The following ADH1C variants were observed in gnomAD, a reference collection of about 807,000 sequenced individuals.
ADH1C encodes alcohol dehydrogenase 1C.
In ADH1C, 26 loss-of-function variants were observed where a neutral mutation model predicts 35.0. The ratio of observed to expected loss-of-function variants is 0.74; its 90% CI spans 0.54 to 1.03. The LOEUF is 1.03. Among genes scored for constraint, ADH1C ranks in the 50% least tolerant of loss-of-function variants. The probability of loss-of-function intolerance (pLI) is 0.00; values close to 1 mark genes in which losing one functional copy is unlikely to be tolerated. For missense variants in ADH1C, 413 were observed against 465.4 expected (o/e 0.89, Z 1.04); for synonymous variants, 170 against 169.3 (o/e 1.00, Z -0.03).
intron 6 of ADH1C, 62 bp from the exon 7 acceptor site, chr4:99,340,772 C>G (rs1734397060): frequency 1.9e-6 from 3 of 1,603,020 alleles, no homozygotes; most frequent in South Asian, 1.1e-5. Context: ...ACTCATAATG[C>G]ACAATATCAT....
chr4:99,344,752 C>A (rs980989198), intron 5 of ADH1C, 110 bp downstream of exon 5: 1 of 1,394,314 alleles, frequency 7.2e-7, no homozygotes, highest in Non-Finnish European at 9.9e-7. Flanking sequence ...TACTCTTAAT[C>A]GACACTTCAA....
chr4:99,345,166 AT>A lies in ADH1C; in HGVS notation c.347+12del. 6.2e-7 allele frequency: 1 copy of A among 1,613,868 alleles called. No homozygotes were observed. Among genetic ancestry groups the A allele is most frequent in the Non-Finnish European group, 8.5e-7 (1 of 1,179,768 alleles). On this transcript the variant is annotated intron_variant, in intron 4 of 8. Coordinates refer to ENST00000515683, the MANE Select transcript of ADH1C (RefSeq NM_000669.5). ...AACTCAAAGTCTGTGCAAAGAAAGC[AT>A]CAGAAACTTACTCATTTTTCAAGCA...
intron 5 of ADH1C, among the ~76,000 whole-genome samples, chr4:99,344,399 G>A (rs1734481021): frequency 6.6e-6 from 1 of 152,172 alleles, no homozygotes; most frequent in Non-Finnish European, 1.5e-5. Context: ...GTTTCGAGGT[G>A]CATCAGGTAA....
At chr4:99,341,998 G>A (rs181358878) in intron 6 of ADH1C, among the ~76,000 whole-genome samples, 15 of 118,620 alleles carry the variant, frequency 1.3e-4, no homozygotes, top group Non-Finnish European at 2.4e-4. Context: ...GTGACAGAGT[G>A]AGACCCTGTC....
chr4:99,346,361 A>G (rs1473032207), intron 3 of ADH1C, among the ~76,000 whole-genome samples: 1 of 152,214 alleles, frequency 6.6e-6, no homozygotes. Flanking sequence ...TTAGTAATCC[A>G]TAATCAGTCA....
At chr4:99,349,922 A>C (rs1734636433) in intron 1 of ADH1C, among the ~76,000 whole-genome samples, 1 of 152,196 alleles carries the variant, frequency 6.6e-6, no homozygotes, top group African/African-American at 2.4e-5. Context: ...TAAAAATAAA[A>C]GCTGATCACA....
rs372991001 is a variant in ADH1C at position 99,336,725 on chromosome 4, G to A, written c.*27C>T. 1.9e-6 allele frequency: 3 copies of A among 1,612,860 alleles called. No individual in the cohort carries two copies. The highest frequency in any genetic ancestry group is 2.5e-6 in the Non-Finnish European group (3 of 1,179,034). On this transcript the variant is annotated 3_prime_UTR_variant, in exon 9 of 9. Transcript: ENST00000515683. Reference sequence around the variant, plus strand: ...TGTAGGGTAGAGGAGGCTGAAAACTGCTACAAGGGAAGGCATCTGTATTGT... The same window carrying A: ...TGTAGGGTAGAGGAGGCTGAAAACTACTACAAGGGAAGGCATCTGTATTGT...
intron 1 of ADH1C, among the ~76,000 whole-genome samples, chr4:99,348,903 T>C (rs1734606906): frequency 6.6e-6 from 1 of 151,168 alleles, no homozygotes; most frequent in African/African-American, 2.4e-5. Flanking sequence ...TTTCATGTGT[T>C]TTTTGGCTGC....
chr4:99,346,604 T>G (rs1344598851), intron 3 of ADH1C, among the ~76,000 whole-genome samples: 1 of 152,126 alleles, frequency 6.6e-6, no homozygotes. Flanking sequence ...CACAGAACAG[T>G]GTCCATACTT....
At chr4:99,336,861 A>C (rs770912952) in intron 8 of ADH1C, 85 bp from the exon 9 acceptor site, 846 of 1,578,058 alleles carry the variant, frequency 5.4e-4, no homozygotes, top group Non-Finnish European at 6.9e-4. Context: ...ATTTGAGGTG[A>C]CTTAGTGAAA....
chr4:99,344,747 T>A (rs765298517), intron 5 of ADH1C, 115 bp downstream of exon 5: 71 of 1,364,826 alleles, frequency 5.2e-5, no homozygotes, highest in Non-Finnish European at 7.0e-5. Flanking sequence ...TTTTCTACTC[T>A]TAATCGACAC....
chr4:99,337,672 C>T (rs1001620314), intron 8 of ADH1C, among the ~76,000 whole-genome samples: 2 of 151,746 alleles, frequency 1.3e-5, no homozygotes, highest in Non-Finnish European at 2.9e-5. Flanking sequence ...CAGAAGAAGC[C>T]GCTAAAAAAA....
intron 5 of ADH1C, among the ~76,000 whole-genome samples, 190 bp downstream of exon 5, chr4:99,344,672 C>CTCA (rs79306877): frequency 1.3e-5 from 2 of 151,952 alleles, no homozygotes; most frequent in Non-Finnish European, 2.9e-5. Flanking sequence ...ATTTTCTTAA[C>CTCA]AAGTTTTTAT....
intron 1 of ADH1C, among the ~76,000 whole-genome samples, chr4:99,350,170 C>G (rs1316987836): frequency 1.3e-5 from 2 of 152,134 alleles, no homozygotes; most frequent in East Asian, 3.8e-4. Context: ...AAATAAAGTT[C>G]TAATAGTAGG....
chr4:99,342,941 C>G lies in ADH1C; in HGVS notation c.682G>C (p.Asp228His). Residue 228 changes from aspartate to histidine, a missense_variant, in exon 6 of 9, where the codon GAC (aspartate) becomes CAC (histidine). Physicochemically the swap from Asp to His is moderately conservative, Grantham distance 81. Coordinates refer to ENST00000515683, the MANE Select transcript of ADH1C (RefSeq NM_000669.5). ...ARIIAVDINK[D>H]KFAKAKELGA... ...AACTCTTTAGCCTTTGCAAATTTGT[C>G]CTTGTTGATGTCCACAGCAATGATT... is the stretch of plus-strand genomic sequence containing the variant. 6.2e-7 allele frequency: 1 copy of G among 1,614,164 alleles called. No individual in the cohort carries two copies. The highest frequency in any genetic ancestry group is 8.5e-7 in the Non-Finnish European group (1 of 1,180,026).
Position 99,340,628 on chromosome 4 carries a change from A to C in ADH1C, c.911T>G (p.Ile304Arg). The change falls in exon 7 of 9, where the codon ATA (isoleucine) becomes AGA (arginine). Residue 304 changes from isoleucine (I) to arginine (R), a missense_variant. Coordinates refer to ENST00000515683, the MANE Select transcript of ADH1C (RefSeq NM_000669.5). ...GVPPDSQNLSINPMLLLTGRT... is the reference protein window; with the variant it reads ...GVPPDSQNLSRNPMLLLTGRT... Reference sequence around the variant, plus strand: ...TCCAGTCAGTAGCAGCATAGGGTTTATTGAGAGGTTCTGGGAATCAGGAGG... The same window carrying C: ...TCCAGTCAGTAGCAGCATAGGGTTTCTTGAGAGGTTCTGGGAATCAGGAGG... 6.2e-7 allele frequency: 1 copy of C among 1,614,020 alleles called. No individual in the cohort carries two copies. Among genetic ancestry groups the C allele is most frequent in the Non-Finnish European group, 8.5e-7 (1 of 1,180,030 alleles).
intron 1 of ADH1C, among the ~76,000 whole-genome samples, chr4:99,349,204 T>C (rs976863361): frequency 3.4e-5 from 5 of 144,982 alleles, no homozygotes; most frequent in Non-Finnish European, 7.5e-5. Flanking sequence ...TCCTTGCCCA[T>C]GCCTATGTCC....
intron 8 of ADH1C, among the ~76,000 whole-genome samples, chr4:99,337,890 A>G (rs1442481): frequency 0.31 from 47,403 of 151,912 alleles, 8,835 homozygotes; most frequent in Non-Finnish European, 0.41. Context: ...ACAGTTGCTT[A>G]GAATTTATTA....
chr4:99,350,590 A>C (rs1579536551), intron 1 of ADH1C, among the ~76,000 whole-genome samples: 1 of 152,222 alleles, frequency 6.6e-6, no homozygotes, highest in Admixed American at 6.5e-5. Context: ...TTTATGGCTG[A>C]GTAGTATCTC....
Sources: gnomAD v4.1 joint callset for allele counts (sites outside exome capture counted in the v4.1 genomes callset) on GRCh38, gnomAD v4.1.1 for gene constraint, MANE v1.5 for transcripts, NCBI Gene and HGNC (gene_info 2026-07-23, HGNC 2026-07-21) for gene names.